Variants in KIAA0232 observed in about 807,000 individuals in gnomAD.
KIAA0232 encodes uncharacterized protein KIAA0232.
Under a neutral mutation model 122.0 loss-of-function variants are expected in KIAA0232, and 27 were observed. The ratio of observed to expected loss-of-function variants is 0.22; its 90% CI spans 0.16 to 0.31. The LOEUF (loss-of-function observed/expected upper bound fraction) is 0.31, where lower values mean the gene tolerates loss of function less well. Among genes scored for constraint, KIAA0232 ranks in the 10% least tolerant of loss-of-function variants. The probability of loss-of-function intolerance (pLI) is 1.00; values close to 1 mark genes in which losing one functional copy is unlikely to be tolerated. For missense variants in KIAA0232, 1,551 were observed against 1,634.2 expected (o/e 0.95, Z 0.88); for synonymous variants, 613 against 587.6 (o/e 1.04, Z -0.63).
intron 9 of KIAA0232, among the ~76,000 whole-genome samples, chr4:6,879,513 C>T (rs1269137127): frequency 1.3e-5 from 2 of 152,208 alleles, no homozygotes; most frequent in Admixed American, 1.3e-4. Flanking sequence ...TCTGTCTCTG[C>T]TCTCCCCTTA....
intron 2 of KIAA0232, among the ~76,000 whole-genome samples, chr4:6,806,737 CAAAAAAAAA>C (rs34146483): frequency 2.1e-5 from 1 of 47,642 alleles, no homozygotes; most frequent in East Asian, 7.2e-4. Context: ...GACTCCCTCT[CAAAAAAAAA>C]AAAAAAAAAA....
intron 2 of KIAA0232, among the ~76,000 whole-genome samples, chr4:6,823,038 T>C (rs1270594294): frequency 2.0e-5 from 3 of 150,984 alleles, no homozygotes; most frequent in South Asian, 2.1e-4. Context: ...GTTTGGTTTT[T>C]TGTTCTTGCG....
In KIAA0232 at chr4:6,842,188, G is replaced by T. The variant is rs377412150; in HGVS notation, c.353G>T (p.Arg118Leu). The T allele has an allele frequency of 2.5e-6, 4 of 1,600,930 alleles. No individual in the cohort carries two copies. Among genetic ancestry groups the T allele is most frequent in the African/African-American group, 2.7e-5 (2 of 73,574 alleles). ...MKKQAAVQCL[R>L]SASDESSGIE... is the part of the protein sequence containing the mutation. ...AAACAGGCTGCTGTCCAGTGTCTTC[G>T]ATCTGCTTCTGATGAAGTAAGTTTA... Residue 118 changes from arginine (R) to leucine (L), a missense_variant, in exon 4 of 10, where the codon CGA (arginine) becomes CTA (leucine). By Grantham distance (102) the Arg-to-Leu change is moderately radical. This residue lies in a region of KIAA0232 where 377 missense variants were observed against 381.7 expected (regional missense o/e 0.99). Transcript: ENST00000307659.
chr4:6,860,736 A>G (rs1173131613), intron 6 of KIAA0232, among the ~76,000 whole-genome samples, 165 bp from the exon 7 acceptor site: 2 of 152,250 alleles, frequency 1.3e-5, no homozygotes, highest in Non-Finnish European at 2.9e-5. Context: ...AATCTTAAGC[A>G]TATTTTACTG....
intron 3 of KIAA0232, 122 bp from the exon 4 acceptor site, chr4:6,841,945 C>A: frequency 1.8e-6 from 2 of 1,127,672 alleles, no homozygotes; most frequent in Admixed American, 2.5e-5. Context: ...AATAGACAAG[C>A]CGATCCTAAA....
Position 6,824,744 on chromosome 4 carries a change from C to G in KIAA0232, c.231+60C>G, listed in dbSNP as rs932559648. ...ATTGTATCTGTATGTATACATTCCT[C>G]TTAAACAAGCACTTTTATACTTTAA... is the stretch of plus-strand genomic sequence containing the variant. On this transcript the variant is annotated intron_variant, in intron 3 of 9. Coordinates refer to ENST00000307659, the MANE Select transcript of KIAA0232 (RefSeq NM_014743.3). 1.2e-5 allele frequency: 17 copies of G among 1,377,254 alleles called. No individual in the cohort carries two copies. In the African/African-American group the frequency reaches 1.7e-4, roughly 14 times the overall value. The allele number at this position is 1,377,254 out of a possible 1,614,324, so 85.3% of individuals were successfully genotyped here. A position where few individuals can be genotyped will look rare whatever the true frequency, so the allele number is the denominator to read the frequency against.
intron 3 of KIAA0232, among the ~76,000 whole-genome samples, chr4:6,833,484 G>C (rs1195842453): frequency 6.6e-6 from 1 of 152,004 alleles, no homozygotes; most frequent in East Asian, 1.9e-4. Flanking sequence ...ACAAAAATTA[G>C]CCAGGCATGG....
intron 3 of KIAA0232, among the ~76,000 whole-genome samples, chr4:6,834,988 G>GT (rs1719186323): frequency 6.6e-6 from 1 of 152,206 alleles, no homozygotes; most frequent in South Asian, 2.1e-4. Context: ...GACAGAATCT[G>GT]TAAGTAAGGA....
chr4:6,854,981 A>G (rs1174178628), intron 4 of KIAA0232, among the ~76,000 whole-genome samples: 2 of 152,250 alleles, frequency 1.3e-5, no homozygotes, highest in African/African-American at 2.4e-5. Context: ...AACACCTGCC[A>G]GGAGACAACA....
chr4:6,830,667 A>C (rs1308399278), intron 3 of KIAA0232, among the ~76,000 whole-genome samples: 1 of 152,046 alleles, frequency 6.6e-6, no homozygotes, highest in East Asian at 1.9e-4. Flanking sequence ...TTGGCCTCCC[A>C]AAGTGCTGGG....
At chr4:6,799,797 C>T (rs1330298615) in intron 1 of KIAA0232, among the ~76,000 whole-genome samples, 4 of 151,728 alleles carry the variant, frequency 2.6e-5, no homozygotes, top group Middle Eastern at 3.2e-3. Context: ...TGGGTTCAAG[C>T]GATTCTCCTG....
chr4:6,791,046 G>A (rs1716871052), intron 1 of KIAA0232, among the ~76,000 whole-genome samples: 1 of 149,282 alleles, frequency 6.7e-6, no homozygotes, highest in Admixed American at 6.7e-5. Flanking sequence ...GGCCTCCTGA[G>A]TACCTGGGAC....
Position 6,798,042 on chromosome 4 carries a change from A to G in KIAA0232, c.-353-6481A>G, listed in dbSNP as rs544194371. Among the ~76,000 whole-genome samples, 418 of 151,360 alleles carry G rather than the reference A, an allele frequency of 2.8e-3. 3 individuals are homozygous for G. In the Middle Eastern group the frequency reaches 0.034, roughly 12 times the overall value. ...CACTGCATTCCAGCCTGGGTGACAG[A>G]GCCAGACTCCGTCTCAAAAAAAAAA... On this transcript the variant is annotated intron_variant, in intron 1 of 9. Coordinates refer to ENST00000307659, the MANE Select transcript of KIAA0232 (RefSeq NM_014743.3).
intron 4 of KIAA0232, among the ~76,000 whole-genome samples, chr4:6,844,633 A>G (rs574849732): frequency 6.6e-6 from 1 of 151,984 alleles, no homozygotes; most frequent in South Asian, 2.1e-4. Context: ...ATGGGGTTTC[A>G]CTGTGTTGGC....
chr4:6,821,834 A>G lies in KIAA0232; in HGVS notation c.-269-2351A>G, dbSNP rs2109022780. Among the ~76,000 whole-genome samples the G allele has an allele frequency of 1.3e-5, 2 of 152,206 alleles. 1 individual carries two copies. The highest frequency in any genetic ancestry group is 4.1e-4 in the South Asian group (2 of 4,828). ...TATAAATACGAACGAGTGTGCAAGTATCTTTTTGAAAGACACTTTCAATGA... is the reference window on the plus strand; with the variant it reads ...TATAAATACGAACGAGTGTGCAAGTGTCTTTTTGAAAGACACTTTCAATGA... On this transcript the variant is annotated intron_variant, in intron 2 of 9. Transcript: ENST00000307659.
intron 3 of KIAA0232, among the ~76,000 whole-genome samples, chr4:6,830,396 C>G (rs1200744564): frequency 7.0e-6 from 1 of 142,874 alleles, no homozygotes. Context: ...CTTGCCTTCT[C>G]TGTTGTCTTT....
Position 6,862,722 on chromosome 4 carries a change from A to C in KIAA0232, c.2340A>C (p.Leu780Phe), listed in dbSNP as rs1362189347. 6.2e-7 allele frequency: 1 copy of C among 1,610,476 alleles called. No individual in the cohort carries two copies. The highest frequency in any genetic ancestry group is 1.3e-5 in the African/African-American group (1 of 74,572). The part of the protein sequence containing the change: ...NSRTLGEIPT[L>F]VFKKTSKLES... ...GAACTTTAGGTGAGATTCCTACATT[A>C]GTTTTCAAAAAAACATCTAAACTAG... The change falls in exon 7 of 10, where the codon TTA becomes TTC. Residue 780 changes from leucine to phenylalanine, a missense_variant. Around this residue, in one of 5 missense-constraint regions of KIAA0232, gnomAD observed 1,108 missense variants for 1,154.8 expected, o/e 0.96. Coordinates refer to ENST00000307659, the MANE Select transcript of KIAA0232 (RefSeq NM_014743.3).
At chr4:6,852,653 C>G (rs1265950997) in intron 4 of KIAA0232, among the ~76,000 whole-genome samples, 1 of 152,130 alleles carries the variant, frequency 6.6e-6, no homozygotes, top group Non-Finnish European at 1.5e-5. Context: ...CTAAGTACCC[C>G]AAAACTTAGT....
At chr4:6,803,204 C>CATATATATAT (rs34234535) in intron 1 of KIAA0232, among the ~76,000 whole-genome samples, 49 of 141,618 alleles carry the variant, frequency 3.5e-4, no homozygotes, top group African/African-American at 1.1e-3. Flanking sequence ...AAAATGAGTG[C>CATATATATAT]ATATATATAT....
Sources: gnomAD v4.1 joint callset for allele counts (sites outside exome capture counted in the v4.1 genomes callset) on GRCh38, gnomAD v4.1.1 for gene constraint, gnomAD v4.1.1 regional missense constraint, MANE v1.5 for transcripts, NCBI Gene and HGNC (gene_info 2026-07-23, HGNC 2026-07-21) for gene names.